The following OR5D14 variants were observed in gnomAD, a reference collection of about 807,000 sequenced individuals.
The protein encoded by OR5D14 is olfactory receptor family 5 subfamily D member 14, also known as olfactory receptor 5D14.
For synonymous variants in OR5D14, 187 were observed against 138.2 expected, an observed-to-expected ratio of 1.35 and a Z score of -2.48; for missense variants, 466 against 375.5, an observed-to-expected ratio of 1.24 and a Z score of -1.99.
chr11:55,796,204 C>T lies in OR5D14; in HGVS notation c.649C>T (p.Leu217Phe). The T allele has an allele frequency of 6.2e-7, 1 of 1,613,960 alleles. No homozygotes were observed. Among genetic ancestry groups the T allele is most frequent in the African/African-American group, 1.3e-5 (1 of 74,886 alleles). ...TGAGATGTGTACACTACTGATCATCCTCACTTCCTATGTTTTCATTTTTGT... is the reference window on the plus strand; with the variant it reads ...TGAGATGTGTACACTACTGATCATCTTCACTTCCTATGTTTTCATTTTTGT... ...FNEMCTLLIILTSYVFIFVTV... is the reference protein window; with the variant it reads ...FNEMCTLLIIFTSYVFIFVTV... The change falls in exon 1 of 1, where the codon CTC becomes TTC. Residue 217 changes from leucine (L) to phenylalanine (F), a missense_variant. By Grantham distance (22) the Leu-to-Phe change is conservative (BLOSUM62 0). Coordinates refer to ENST00000335605, the MANE Select transcript of OR5D14 (RefSeq NM_001004735.1).
Position 55,796,261 on chromosome 11 carries a change from C to A in OR5D14, c.706C>A (p.Arg236Ser), listed in dbSNP as rs145440752. 3.1e-6 allele frequency: 5 copies of A among 1,613,172 alleles called. No individual in the cohort carries two copies. Among genetic ancestry groups the A allele is most frequent in the South Asian group, 2.2e-5 (2 of 91,082 alleles). Residue 236 changes from arginine (R) to serine (S), a missense_variant, in exon 1 of 1, where the codon CGC becomes AGC. Transcript: ENST00000335605. The stretch of plus-strand genomic sequence containing the variant: ...ACTAAAAATCCGTTCTGTTAGTGGG[C>A]GCCACAAAGCCTTCTCCACCTGGGC... Reference protein sequence around the residue: ...TVLKIRSVSGRHKAFSTWASH... With the variant: ...TVLKIRSVSGSHKAFSTWASH...
Position 55,795,944 on chromosome 11 carries a change from AT to A in OR5D14, c.390del (p.Pro131LeufsTer38), listed in dbSNP as rs772970439. 8.1e-6 allele frequency: 13 copies of A among 1,613,848 alleles called. No individual in the cohort carries two copies. Among genetic ancestry groups the A allele is most frequent in the Non-Finnish European group, 1.0e-5 (12 of 1,179,992 alleles). On this transcript the variant is annotated frameshift_variant, in exon 1 of 1. Transcript: ENST00000335605. LOFTEE classifies it low-confidence loss of function (END_TRUNC). ...TATGACCGCTTTGTGGCCATCTGCA[AT>A]CCTCTGCTTTATACAGTGGCCATGT... ...MAYDRFVAICNPLLYTVAMSQ... is the reference protein window; with the variant it reads ...MAYDRFVAICXPLLYTVAMSQ...
chr11:55,795,640 C>A lies in OR5D14; in HGVS notation c.85C>A (p.Leu29Ile). 3.1e-6 allele frequency: 5 copies of A among 1,612,432 alleles called. No individual in the cohort carries two copies. The highest frequency in any genetic ancestry group is 4.2e-6 in the Non-Finnish European group (5 of 1,179,282). ...FTDYPKLQIP[L>I]FLVFLLMYVI... ...AGATTACCCAAAGCTTCAGATTCCT[C>A]TCTTCCTTGTGTTTCTGCTCATGTA... Residue 29 changes from leucine to isoleucine, a missense_variant, in exon 1 of 1, where the codon CTC (leucine) becomes ATC (isoleucine). Physicochemically the swap from Leu to Ile is conservative, Grantham distance 5. Coordinates refer to ENST00000335605, the MANE Select transcript of OR5D14 (RefSeq NM_001004735.1).
chr11:55,795,920 A>G lies in OR5D14; in HGVS notation c.365A>G (p.Tyr122Cys). The G allele has an allele frequency of 6.2e-7, 1 of 1,613,880 alleles. No individual in the cohort carries two copies. The highest frequency in any genetic ancestry group is 8.5e-7 in the Non-Finnish European group (1 of 1,179,986). ...TESFLLAVMAYDRFVAICNPL... is the reference protein window; with the variant it reads ...TESFLLAVMACDRFVAICNPL... Reference sequence around the variant, plus strand: ...TCTTTCTTGCTGGCAGTGATGGCCTATGACCGCTTTGTGGCCATCTGCAAT... The same window carrying G: ...TCTTTCTTGCTGGCAGTGATGGCCTGTGACCGCTTTGTGGCCATCTGCAAT... Residue 122 changes from tyrosine to cysteine, a missense_variant, in exon 1 of 1, where the codon TAT becomes TGT. Transcript: ENST00000335605.
rs1853525933 is a variant in OR5D14 at position 55,796,273 on chromosome 11, T to C, written c.718T>C (p.Phe240Leu). 6.2e-7 allele frequency: 1 copy of C among 1,613,656 alleles called. No individual in the cohort carries two copies. The highest frequency in any genetic ancestry group is 8.5e-7 in the Non-Finnish European group (1 of 1,179,742). ...IRSVSGRHKA[F>L]STWASHLTSI... ...TTCTGTTAGTGGGCGCCACAAAGCC[T>C]TCTCCACCTGGGCCTCCCACCTGAC... The change falls in exon 1 of 1, where the codon TTC (phenylalanine) becomes CTC (leucine). Residue 240 changes from phenylalanine (F) to leucine (L), a missense_variant. Phe to Leu is a conservative substitution (Grantham distance 22). Transcript: ENST00000335605.
rs774794602 is a variant in OR5D14, at chr11:55,796,163, G to A, written c.608G>A (p.Ser203Asn). The A allele has an allele frequency of 1.9e-6, 3 of 1,613,690 alleles. No individual in the cohort carries two copies. The African/African-American group carries it at 4.0e-5, about 22-fold the overall frequency. Reference protein sequence around the residue: ...DILIPHLLLFSFATFNEMCTL... With the variant: ...DILIPHLLLFNFATFNEMCTL... The stretch of plus-strand genomic sequence containing the variant: ...CTCATCCCCCACCTGCTGCTTTTCA[G>A]CTTCGCCACCTTCAATGAGATGTGT... The change falls in exon 1 of 1, where the codon AGC becomes AAC. Residue 203 changes from serine to asparagine, a missense_variant. By Grantham distance (46) the Ser-to-Asn change is conservative. Transcript: ENST00000335605.
chr11:55,796,062 C>A lies in OR5D14; in HGVS notation c.507C>A (p.Asn169Lys), dbSNP rs759048561. ...TCCTTTGTTATGCTCTCCGGTTAAA[C>A]TTCTCTGGACCTAATGTAATCAACC... ...LVLLCYALRL[N>K]FSGPNVINHF... Residue 169 changes from asparagine to lysine, a missense_variant, in exon 1 of 1, where the codon AAC (asparagine) becomes AAA (lysine). Physicochemically the swap from Asn to Lys is moderately conservative, Grantham distance 94 (BLOSUM62 0). Coordinates refer to ENST00000335605, the MANE Select transcript of OR5D14 (RefSeq NM_001004735.1). The A allele has an allele frequency of 4.3e-6, 7 of 1,613,800 alleles. No individual in the cohort carries two copies. The South Asian group carries it at 4.4e-5, about 10-fold the overall frequency.
At position 55,796,280 on chromosome 11, in the gene OR5D14, C is replaced by T. The variant is rs1288495551; in HGVS notation, c.725C>T (p.Thr242Ile). 1.2e-6 allele frequency: 2 copies of T among 1,613,534 alleles called. No homozygotes were observed. The highest frequency in any genetic ancestry group is 1.1e-5 in the South Asian group (1 of 91,080). The change falls in exon 1 of 1, where the codon ACC (threonine) becomes ATC (isoleucine). Residue 242 changes from threonine (T) to isoleucine (I), a missense_variant. Transcript: ENST00000335605. ...SVSGRHKAFS[T>I]WASHLTSITI... ...AGTGGGCGCCACAAAGCCTTCTCCACCTGGGCCTCCCACCTGACTTCTATC... is the reference window on the plus strand; with the variant it reads ...AGTGGGCGCCACAAAGCCTTCTCCATCTGGGCCTCCCACCTGACTTCTATC...
At position 55,795,926 on chromosome 11, in the gene OR5D14, G is replaced by A. The variant is rs145892725; in HGVS notation, c.371G>A (p.Arg124His). ...TTGCTGGCAGTGATGGCCTATGACC[G>A]CTTTGTGGCCATCTGCAATCCTCTG... The part of the protein sequence containing the change: ...SFLLAVMAYD[R>H]FVAICNPLLY... The change falls in exon 1 of 1, where the codon CGC (arginine) becomes CAC (histidine). Residue 124 changes from arginine to histidine, a missense_variant. Coordinates refer to ENST00000335605, the MANE Select transcript of OR5D14 (RefSeq NM_001004735.1). 416 of 1,613,790 alleles carry A rather than the reference G, an allele frequency of 2.6e-4. 1 individual carries two copies. Among genetic ancestry groups the A allele is most frequent in the Non-Finnish European group, 3.2e-4 (374 of 1,179,960 alleles).
At position 55,796,417 on chromosome 11, in the gene OR5D14, A is replaced by C; in HGVS notation, c.862A>C (p.Asn288His). The C allele has an allele frequency of 6.2e-7, 1 of 1,613,808 alleles. No individual in the cohort carries two copies. The highest frequency in any genetic ancestry group is 8.5e-7 in the Non-Finnish European group (1 of 1,179,870). ...VFYTVVNPML[N>H]PLIYSLRNKD... ...TTACACAGTTGTCAACCCCATGCTG[A>C]ACCCTCTGATCTACAGCCTAAGGAA... Residue 288 changes from asparagine (N) to histidine (H), a missense_variant, in exon 1 of 1, where the codon AAC becomes CAC. By Grantham distance (68) the Asn-to-His change is moderately conservative. Transcript: ENST00000335605.
Position 55,796,081 on chromosome 11 carries a change from A to G in OR5D14, c.526A>G (p.Ile176Val). 1 of 1,613,814 alleles carries G rather than the reference A, an allele frequency of 6.2e-7. No individual in the cohort carries two copies. Among genetic ancestry groups the G allele is most frequent in the Non-Finnish European group, 8.5e-7 (1 of 1,180,000 alleles). Residue 176 changes from isoleucine to valine, a missense_variant, in exon 1 of 1, where the codon ATC becomes GTC. By Grantham distance (29) the Ile-to-Val change is conservative. Transcript: ENST00000335605. The part of the protein sequence containing the change: ...LRLNFSGPNV[I>V]NHFFCEYTAL... ...GTTAAACTTCTCTGGACCTAATGTA[A>G]TCAACCACTTCTTTTGTGAGTATAC...
At position 55,796,226 on chromosome 11, in the gene OR5D14, T is replaced by G. The variant is rs768219420; in HGVS notation, c.671T>G (p.Phe224Cys). 1 of 1,613,932 alleles carries G rather than the reference T, an allele frequency of 6.2e-7. No individual in the cohort carries two copies. The highest frequency in any genetic ancestry group is 8.5e-7 in the Non-Finnish European group (1 of 1,180,042). Residue 224 changes from phenylalanine to cysteine, a missense_variant, in exon 1 of 1, where the codon TTT becomes TGT. Phe to Cys is a radical substitution (Grantham distance 205). Coordinates refer to ENST00000335605, the MANE Select transcript of OR5D14 (RefSeq NM_001004735.1). ...ATCCTCACTTCCTATGTTTTCATTT[T>G]TGTGACTGTACTAAAAATCCGTTCT... ...LIILTSYVFI[F>C]VTVLKIRSVS...
chr11:55,795,973 CAGAG>C lies in OR5D14; in HGVS notation c.419_422del (p.Gln140ArgfsTer28), dbSNP rs760313448. The C allele has an allele frequency of 6.2e-7, 1 of 1,613,924 alleles. No individual in the cohort carries two copies. The highest frequency in any genetic ancestry group is 1.1e-5 in the South Asian group (1 of 91,084). ...TCTGCTTTATACAGTGGCCATGTCA[CAGAG>C]GCTCTGTGCCCTGCTGGTGGCTGGG... On this transcript the variant is annotated frameshift_variant, in exon 1 of 1. Transcript: ENST00000335605. LOFTEE classifies it low-confidence loss of function (END_TRUNC).
Position 55,795,842 on chromosome 11 carries a change from A to C in OR5D14, c.287A>C (p.Tyr96Ser). The C allele has an allele frequency of 6.2e-7, 1 of 1,613,884 alleles. No individual in the cohort carries two copies. The highest frequency in any genetic ancestry group is 2.2e-5 in the East Asian group (1 of 44,860). ...GTAATGGCAGATAAAAGCATCTTCT[A>C]CTTTAGCTGCATGATGCAGTACTTC... The part of the protein sequence containing the change: ...NLVMADKSIF[Y>S]FSCMMQYFLS... The change falls in exon 1 of 1, where the codon TAC (tyrosine) becomes TCC (serine). Residue 96 changes from tyrosine (Y) to serine (S), a missense_variant. Physicochemically the swap from Tyr to Ser is moderately radical, Grantham distance 144. Transcript: ENST00000335605.
chr11:55,796,074 T>C lies in OR5D14; in HGVS notation c.519T>C (p.Pro173=). The change falls in exon 1 of 1, where the codon CCT becomes CCC. Residue 173 remains proline (P), a synonymous_variant. Transcript: ENST00000335605. ...CYALRLNFSG[P]NVINHFFCEY... The stretch of plus-strand genomic sequence containing the variant: ...CTCTCCGGTTAAACTTCTCTGGACC[T>C]AATGTAATCAACCACTTCTTTTGTG... The C allele has an allele frequency of 1.2e-6, 2 of 1,614,000 alleles. No individual in the cohort carries two copies. Among genetic ancestry groups the C allele is most frequent in the Non-Finnish European group, 1.7e-6 (2 of 1,180,020 alleles).
Position 55,795,605 on chromosome 11 carries a change from T to C in OR5D14, c.50T>C (p.Leu17Ser). 4 of 1,611,486 alleles carry C rather than the reference T, an allele frequency of 2.5e-6. No homozygotes were observed. The African/African-American group carries it at 4.0e-5, about 16-fold the overall frequency. ...NLSMEPTFAL[L>S]GFTDYPKLQI... ...AGCATGGAGCCCACCTTTGCCCTTT[T>C]AGGTTTCACAGATTACCCAAAGCTT... The change falls in exon 1 of 1, where the codon TTA becomes TCA. Residue 17 changes from leucine to serine, a missense_variant. Coordinates refer to ENST00000335605, the MANE Select transcript of OR5D14 (RefSeq NM_001004735.1).
At position 55,796,171 on chromosome 11, in the gene OR5D14, A is replaced by C; in HGVS notation, c.616A>C (p.Thr206Pro). ...IPHLLLFSFA[T>P]FNEMCTLLII... ...CCACCTGCTGCTTTTCAGCTTCGCC[A>C]CCTTCAATGAGATGTGTACACTACT... Residue 206 changes from threonine to proline, a missense_variant, in exon 1 of 1, where the codon ACC becomes CCC. Thr to Pro is a conservative substitution (Grantham distance 38). Transcript: ENST00000335605. 1.2e-6 allele frequency: 2 copies of C among 1,613,814 alleles called. No individual in the cohort carries two copies. The highest frequency in any genetic ancestry group is 8.5e-7 in the Non-Finnish European group (1 of 1,179,962).
Position 55,795,578 on chromosome 11 carries a change from T to TTTTAA in OR5D14, c.23_24insTTTAA (p.Ser9LeufsTer11), listed in dbSNP as rs757533022. The TTTTAA allele has an allele frequency of 1.3e-6, 2 of 1,596,350 alleles. No individual in the cohort carries two copies. Among genetic ancestry groups the TTTTAA allele is most frequent in the African/African-American group, 2.7e-5 (2 of 73,788 alleles). ...ATTATGATGATGGTTTTAAGGAATCTGAGCATGGAGCCCACCTTTGCCCTT... is the reference window on the plus strand; with the variant it reads ...ATTATGATGATGGTTTTAAGGAATCTTTTAAGAGCATGGAGCCCACCTTTGCCCTT... On this transcript the variant is annotated frameshift_variant, in exon 1 of 1. Coordinates refer to ENST00000335605, the MANE Select transcript of OR5D14 (RefSeq NM_001004735.1). LOFTEE classifies it low-confidence loss of function (END_TRUNC).
rs1179915409 is a variant in OR5D14, at chr11:55,796,431, C to T, written c.876C>T (p.Tyr292=). The change falls in exon 1 of 1, where the codon TAC becomes TAT. Residue 292 remains tyrosine (Y), a synonymous_variant. Coordinates refer to ENST00000335605, the MANE Select transcript of OR5D14 (RefSeq NM_001004735.1). ...VVNPMLNPLI[Y]SLRNKDVKDA... ...ACCCCATGCTGAACCCTCTGATCTA[C>T]AGCCTAAGGAATAAAGACGTGAAGG... 5 of 1,613,628 alleles carry T rather than the reference C, an allele frequency of 3.1e-6. No homozygotes were observed. Among genetic ancestry groups the T allele is most frequent in the African/African-American group, 2.7e-5 (2 of 74,874 alleles).
Sources: allele counts gnomAD v4.1 joint callset, GRCh38; gene constraint gnomAD v4.1.1; transcripts MANE v1.5; gene names NCBI Gene and HGNC (gene_info 2026-07-23, HGNC 2026-07-21).